Variants in CTNNA3 observed in about 807,000 individuals in gnomAD.
The protein encoded by CTNNA3 is catenin alpha-3.
Under a neutral mutation model 95.7 loss-of-function variants are expected in CTNNA3, and 76 were observed. The observed-to-expected ratio is 0.79, with a 90% confidence interval of 0.66 to 0.96. The LOEUF (loss-of-function observed/expected upper bound fraction) is 0.96, where lower values mean the gene tolerates loss of function less well. CTNNA3 is among the 40% of genes least tolerant of loss of function. CTNNA3 has a pLI of 0.00. For missense variants in CTNNA3, 1,191 were observed against 1,089.8 expected (o/e 1.09, Z -1.31); for synonymous variants, 431 against 374.4 (o/e 1.15, Z -1.74).
chr10:66,209,629 G>A (rs1415446172), intron 13 of CTNNA3, among the ~76,000 whole-genome samples: 1 of 152,070 alleles, frequency 6.6e-6, no homozygotes, highest in African/African-American at 2.4e-5. Context: ...CGCAGTCAGA[G>A]ATTACAAGGA....
chr10:67,171,522 C>T (rs950006971), intron 7 of CTNNA3, among the ~76,000 whole-genome samples: 3 of 150,600 alleles, frequency 2.0e-5, no homozygotes, highest in East Asian at 3.9e-4. Context: ...TGCAGTGAGC[C>T]GAGATCACAC....
chr10:67,330,746 G>A (rs1841753402), intron 5 of CTNNA3, among the ~76,000 whole-genome samples: 2 of 151,886 alleles, frequency 1.3e-5, no homozygotes, highest in African/African-American at 4.8e-5. Context: ...ATAAAGTTAG[G>A]CAGAAAATCT....
chr10:67,123,334 T>A (rs559577117), intron 7 of CTNNA3, among the ~76,000 whole-genome samples: 8 of 152,252 alleles, frequency 5.3e-5, no homozygotes, highest in African/African-American at 1.9e-4. Context: ...TGGAAAAAAA[T>A]TATTCCAATG....
chr10:67,741,752 C>A (rs1388394287), intron 1 of CTNNA3, among the ~76,000 whole-genome samples: 4 of 151,148 alleles, frequency 2.6e-5, no homozygotes, highest in Admixed American at 6.6e-5. Context: ...GTGCTGCATT[C>A]AGGAAACCCA....
upstream of CTNNA3, among the ~76,000 whole-genome samples, chr10:67,697,555 T>A (rs1175165874): frequency 6.6e-6 from 1 of 152,210 alleles, no homozygotes; most frequent in African/African-American, 2.4e-5. Flanking sequence ...AAAATGTAGA[T>A]GAGAACTCTT....
intron 7 of CTNNA3, among the ~76,000 whole-genome samples, chr10:67,065,200 C>T (rs1473129533): frequency 6.6e-6 from 1 of 152,146 alleles, no homozygotes; most frequent in African/African-American, 2.4e-5. Context: ...GTATTTGACA[C>T]ATATCGGGAG....
chr10:66,514,125 A>AT (rs1421465284), intron 11 of CTNNA3, among the ~76,000 whole-genome samples: 1 of 152,158 alleles, frequency 6.6e-6, no homozygotes, highest in Non-Finnish European at 1.5e-5. Flanking sequence ...GCTGAAAGTT[A>AT]TTTTTTCATA....
chr10:66,864,742 T>C (rs1348656908), intron 7 of CTNNA3, among the ~76,000 whole-genome samples: 1 of 152,138 alleles, frequency 6.6e-6, no homozygotes, highest in Non-Finnish European at 1.5e-5. Flanking sequence ...CATACTCAAA[T>C]TCTGTTATAG....
At chr10:66,272,403 A>T (rs920858428) in intron 13 of CTNNA3, among the ~76,000 whole-genome samples, 1 of 152,204 alleles carries the variant, frequency 6.6e-6, no homozygotes, top group Non-Finnish European at 1.5e-5. Flanking sequence ...TAAATTCTCC[A>T]CAGTCAACAA....
intron 7 of CTNNA3, among the ~76,000 whole-genome samples, chr10:66,946,530 T>C (rs1485794806): frequency 6.6e-6 from 1 of 152,132 alleles, no homozygotes; most frequent in Non-Finnish European, 1.5e-5. Context: ...AAGCCCCCTC[T>C]AGTTCTTCCA....
At chr10:67,525,013 G>A (rs2133167582) in intron 4 of CTNNA3, among the ~76,000 whole-genome samples, 1 of 152,238 alleles carries the variant, frequency 6.6e-6, no homozygotes, top group African/African-American at 2.4e-5. Context: ...TGATCTCCCA[G>A]TTGGAGACAA....
At chr10:67,452,900 A>T (rs1399747797) in intron 5 of CTNNA3, among the ~76,000 whole-genome samples, 2 of 152,244 alleles carry the variant, frequency 1.3e-5, no homozygotes, top group Admixed American at 6.5e-5. Context: ...ATAGCAAATT[A>T]AAAATTATAT....
chr10:66,927,987 C>T lies in CTNNA3; in HGVS notation c.1048-152463G>A. 2.5e-6 allele frequency: 4 copies of T among 1,614,234 alleles called. No individual in the cohort carries two copies. Among genetic ancestry groups the T allele is most frequent in the Non-Finnish European group, 3.4e-6 (4 of 1,180,050 alleles). ...TAAATGTGATCGATGCAGTGAAGAA[C>T]TACAGCATCTGTGGCAAAAGTACTA... On this transcript the variant is annotated intron_variant, in intron 7 of 17. Transcript: ENST00000433211. The surrounding 1 kb of genome is among the most constrained non-coding windows in gnomAD (Gnocchi z 4.7).
At chr10:65,922,976 G>A (rs533991058) in intron 17 of CTNNA3, among the ~76,000 whole-genome samples, 27 of 152,084 alleles carry the variant, frequency 1.8e-4, no homozygotes, top group African/African-American at 6.0e-4. Flanking sequence ...TAAAACCATC[G>A]ATCTCATGAG....
At chr10:67,658,254 C>CCTA (rs1840082375) in intron 1 of CTNNA3, among the ~76,000 whole-genome samples, 1 of 152,096 alleles carries the variant, frequency 6.6e-6, no homozygotes, top group Non-Finnish European at 1.5e-5. Context: ...AATAAGAGTA[C>CCTA]CTACCTCAAA....
chr10:67,519,238 C>G (rs1204928721), intron 5 of CTNNA3, among the ~76,000 whole-genome samples: 1 of 152,030 alleles, frequency 6.6e-6, no homozygotes, highest in East Asian at 1.9e-4. Context: ...AGAAAGAAAT[C>G]TCTCAAAGAT....
At chr10:65,961,918 C>T (rs887768350) in intron 17 of CTNNA3, among the ~76,000 whole-genome samples, 1 of 151,942 alleles carries the variant, frequency 6.6e-6, no homozygotes, top group South Asian at 2.1e-4. Context: ...ATAACGAGAG[C>T]CGGAAGCCAA....
In CTNNA3 at chr10:67,186,045, A is replaced by AAT. The variant is rs1554940746; in HGVS notation, c.844-5527_844-5526dup. Among the ~76,000 whole-genome samples the AAT allele has an allele frequency of 2.9e-4, 44 of 150,476 alleles. 1 individual carries two copies. The highest frequency in any genetic ancestry group is 8.6e-4 in the African/African-American group (35 of 40,604). On this transcript the variant is annotated intron_variant, in intron 6 of 17. Transcript: ENST00000433211. Reference sequence around the variant, plus strand: ...CGTCTCACAAAAAAAAAAAAAAAAAAATTAAACCATTTAAAACCTTTTTGG... The same window carrying AAT: ...CGTCTCACAAAAAAAAAAAAAAAAAAATATTAAACCATTTAAAACCTTTTTGG...
chr10:67,127,133 G>T (rs1002469589), intron 7 of CTNNA3, among the ~76,000 whole-genome samples: 7 of 151,780 alleles, frequency 4.6e-5, no homozygotes, highest in African/African-American at 1.7e-4. Context: ...GATGTATTTT[G>T]TACATTTGTA....
Sources: allele counts gnomAD v4.1 joint callset (sites outside exome capture counted in the v4.1 genomes callset), GRCh38; gene constraint gnomAD v4.1.1; non-coding constraint Gnocchi (gnomAD v3.1); transcripts MANE v1.5; gene names NCBI Gene and HGNC (gene_info 2026-07-23, HGNC 2026-07-21).